The following ADAMTSL1 variants were observed in gnomAD, a reference collection of about 807,000 sequenced individuals.
ADAMTSL1 encodes the protein ADAMTS-like protein 1.
Under a neutral mutation model 201.8 loss-of-function variants are expected in ADAMTSL1, and 126 were observed. The ratio of observed to expected loss-of-function variants is 0.62; its 90% CI spans 0.54 to 0.72. The LOEUF (loss-of-function observed/expected upper bound fraction) is 0.72, where lower values mean the gene tolerates loss of function less well. ADAMTSL1 is among the 30% of genes least tolerant of loss of function. The pLI is 0.00. For missense variants in ADAMTSL1, 2,679 were observed against 2,277.8 expected (o/e 1.18, Z -3.59); for synonymous variants, 1,121 against 903.4 (o/e 1.24, Z -4.32).
chr9:18,581,277 A>G (rs998588320), intron 4 of ADAMTSL1, among the ~76,000 whole-genome samples: 7 of 152,186 alleles, frequency 4.6e-5, no homozygotes, highest in Non-Finnish European at 1.0e-4. Context: ...CAATCATATT[A>G]AATTGAGCCC....
intron 1 of ADAMTSL1, among the ~76,000 whole-genome samples, chr9:18,133,222 G>C (rs186702949): frequency 1.4e-4 from 21 of 152,224 alleles, no homozygotes; most frequent in Non-Finnish European, 2.5e-4. Flanking sequence ...TTAGAGTTGG[G>C]ATCAGACTCT....
At chr9:18,233,545 C>T (rs1046225135) in intron 2 of ADAMTSL1, among the ~76,000 whole-genome samples, 4 of 151,890 alleles carry the variant, frequency 2.6e-5, no homozygotes, top group Admixed American at 1.3e-4. Flanking sequence ...GCACTGAGGT[C>T]GTATCAGTAA....
intron 15 of ADAMTSL1, among the ~76,000 whole-genome samples, chr9:18,735,906 A>C (rs1818477634): frequency 1.3e-5 from 2 of 151,820 alleles, no homozygotes; most frequent in Non-Finnish European, 2.9e-5. Context: ...TTAAAAAAAA[A>C]AAAAAATGTG....
At chr9:18,391,425 T>G (rs1192148106) in intron 2 of ADAMTSL1, among the ~76,000 whole-genome samples, 1 of 152,164 alleles carries the variant, frequency 6.6e-6, no homozygotes, top group African/African-American at 2.4e-5. Flanking sequence ...GACAGGATGT[T>G]ACATAGTTTA....
chr9:18,589,810 G>A (rs1294338915), intron 4 of ADAMTSL1, among the ~76,000 whole-genome samples: 7 of 152,078 alleles, frequency 4.6e-5, no homozygotes, highest in South Asian at 2.1e-4. Context: ...TGTCTTTTCA[G>A]CGTCTATTGA....
chr9:18,554,692 T>A (rs1367009195), intron 3 of ADAMTSL1, among the ~76,000 whole-genome samples: 1 of 151,336 alleles, frequency 6.6e-6, no homozygotes, highest in East Asian at 1.9e-4. Context: ...ATTTTGCTTG[T>A]TTGTTTGTAT....
At chr9:18,848,455 A>G (rs1262201207) in intron 23 of ADAMTSL1, among the ~76,000 whole-genome samples, 2 of 152,166 alleles carry the variant, frequency 1.3e-5, no homozygotes, top group African/African-American at 4.8e-5. Context: ...CCATCCTTCC[A>G]TCCTATTTCT....
At chr9:18,622,182 C>T in intron 4 of ADAMTSL1, 61 bp from the exon 5 acceptor site, 3 of 1,586,692 alleles carry the variant, frequency 1.9e-6, no homozygotes, top group Non-Finnish European at 1.7e-6. Context: ...TGATTGGCCT[C>T]ATAATGGATT....
At chr9:17,997,549 T>A (rs936620994) in intron 1 of ADAMTSL1, among the ~76,000 whole-genome samples, 10 of 152,098 alleles carry the variant, frequency 6.6e-5, no homozygotes, top group Admixed American at 6.6e-4. Flanking sequence ...GCTCTGCTTT[T>A]AGTGAAGACA....
intron 2 of ADAMTSL1, among the ~76,000 whole-genome samples, chr9:18,213,978 C>G (rs958406677): frequency 1.9e-4 from 29 of 152,180 alleles, no homozygotes; most frequent in African/African-American, 7.0e-4. Context: ...CTCAGGCAAT[C>G]TACCCGCCTG....
intron 2 of ADAMTSL1, among the ~76,000 whole-genome samples, chr9:18,237,821 ACT>A (rs1161410534): frequency 6.6e-6 from 1 of 152,184 alleles, no homozygotes; most frequent in East Asian, 1.9e-4. Flanking sequence ...TTTTTAACAA[ACT>A]CTGTATTTGA....
At chr9:18,074,475 TCTTTTC>T (rs1363833737) in intron 1 of ADAMTSL1, among the ~76,000 whole-genome samples, 40 of 48,490 alleles carry the variant, frequency 8.2e-4, no homozygotes, top group African/African-American at 2.3e-3. Context: ...CACTGTGTTT[TCTTTTC>T]TTTTCTTTTC....
intron 1 of ADAMTSL1, among the ~76,000 whole-genome samples, chr9:17,992,411 T>C (rs537395305): frequency 8.5e-5 from 13 of 152,312 alleles, no homozygotes; most frequent in African/African-American, 3.1e-4. Flanking sequence ...TTTTTTAAAA[T>C]AATTTTTAAA....
At chr9:18,808,536 AT>A (rs1220022958) in intron 20 of ADAMTSL1, among the ~76,000 whole-genome samples, 1 of 152,242 alleles carries the variant, frequency 6.6e-6, no homozygotes, top group Admixed American at 6.5e-5. Flanking sequence ...ATTCAGTGAC[AT>A]TTGAATTTTA....
chr9:18,536,134 C>G (rs1042758260), intron 3 of ADAMTSL1, among the ~76,000 whole-genome samples: 30 of 152,128 alleles, frequency 2.0e-4, no homozygotes, highest in African/African-American at 7.0e-4. Flanking sequence ...CGAAAAAACA[C>G]ACAAAAAAAA....
intron 2 of ADAMTSL1, among the ~76,000 whole-genome samples, chr9:18,443,567 A>G (rs898711482): frequency 1.3e-5 from 2 of 152,202 alleles, no homozygotes; most frequent in African/African-American, 4.8e-5. Context: ...CAGAGAGTGG[A>G]GGAGTGTTTC....
chr9:18,074,698 C>G (rs757188265), intron 1 of ADAMTSL1, among the ~76,000 whole-genome samples: 1 of 152,022 alleles, frequency 6.6e-6, no homozygotes, highest in Non-Finnish European at 1.5e-5. Flanking sequence ...TCAAGTGATT[C>G]TCCTGCCTCA....
intron 1 of ADAMTSL1, among the ~76,000 whole-genome samples, chr9:18,056,786 A>G (rs1417882102): frequency 6.6e-6 from 1 of 152,114 alleles, no homozygotes; most frequent in Non-Finnish European, 1.5e-5. Flanking sequence ...TCTAGACCTC[A>G]AAGAGGAACC....
intron 19 of ADAMTSL1, among the ~76,000 whole-genome samples, chr9:18,794,236 C>T (rs1822228388): frequency 6.6e-6 from 1 of 151,958 alleles, no homozygotes; most frequent in Non-Finnish European, 1.5e-5. Flanking sequence ...TGGCAAGACC[C>T]TATCTTTACG....
Sources: allele counts gnomAD v4.1 joint callset (sites outside exome capture counted in the v4.1 genomes callset), GRCh38; gene constraint gnomAD v4.1.1; transcripts MANE v1.5; gene names NCBI Gene and HGNC (gene_info 2026-07-23, HGNC 2026-07-21).